TMTC2: variants seen among roughly 807,000 people sequenced by gnomAD.
The protein encoded by TMTC2 is protein O-mannosyl-transferase TMTC2.
Under a neutral mutation model 82.4 loss-of-function variants are expected in TMTC2, and 43 were observed. That is an observed-to-expected ratio of 0.52 (90% CI 0.41 to 0.67). The LOEUF (loss-of-function observed/expected upper bound fraction) is 0.67. Among genes scored for constraint, TMTC2 ranks in the 30% least tolerant of loss-of-function variants. The pLI is 0.00. For synonymous variants in TMTC2, 408 were observed against 381.9 expected (o/e 1.07, Z -0.80); for missense variants, 919 against 1,012.4 (o/e 0.91, Z 1.25).
chr12:82,987,161 C>G (rs1224533101), intron 8 of TMTC2, among the ~76,000 whole-genome samples: 1 of 152,004 alleles, frequency 6.6e-6, no homozygotes, highest in African/African-American at 2.4e-5. Flanking sequence ...AAATACTCTT[C>G]AAGAAATCAT....
At position 82,965,038 on chromosome 12, in the gene TMTC2, A is replaced by C; in HGVS notation, c.1613A>C (p.Gln538Pro). 1 of 1,612,284 alleles carries C rather than the reference A, an allele frequency of 6.2e-7. No homozygotes were observed. Among genetic ancestry groups the C allele is most frequent in the Non-Finnish European group, 8.5e-7 (1 of 1,178,822 alleles). Residue 538 changes from glutamine to proline, a missense_variant, in exon 5 of 12, where the codon CAG (glutamine) becomes CCG (proline). Physicochemically the swap from Gln to Pro is moderately conservative, Grantham distance 76. Transcript: ENST00000321196. Reference protein sequence around the residue: ...DMLYNLGLLLQENSRFAEALH... With the variant: ...DMLYNLGLLLPENSRFAEALH... ...TCCTCATGCAGAGGGCTACTTCTCC[A>C]GGAGAACAGCAGGTTTGCAGAAGCA...
rs373625358 is a variant in TMTC2 at position 82,766,226 on chromosome 12, T to C, written c.83+78557T>C. On this transcript the variant is annotated intron_variant, in intron 1 of 11. Transcript: ENST00000321196. ...TTCAAATTTTACTTGGCCCTCTCCTTCTCGCTTTGGGCTATGCACTTTCCA... is the reference window on the plus strand; with the variant it reads ...TTCAAATTTTACTTGGCCCTCTCCTCCTCGCTTTGGGCTATGCACTTTCCA... 7.9e-5 allele frequency among the ~76,000 whole-genome samples: 12 copies of C among 152,256 alleles called. No homozygotes were observed. The East Asian group carries it at 2.3e-3, about 29-fold the overall frequency.
intron 1 of TMTC2, among the ~76,000 whole-genome samples, chr12:82,799,958 G>T (rs1191113358): frequency 1.3e-5 from 2 of 152,026 alleles, no homozygotes; most frequent in East Asian, 3.9e-4. Flanking sequence ...CTGGCCTTTT[G>T]CAAGACTACA....
chr12:83,082,978 G>A (rs1014718404), intron 11 of TMTC2, among the ~76,000 whole-genome samples: 4 of 152,142 alleles, frequency 2.6e-5, no homozygotes, highest in Non-Finnish European at 5.9e-5. Context: ...AACAGTAAAC[G>A]GGGCTTCATC....
intron 11 of TMTC2, among the ~76,000 whole-genome samples, chr12:83,091,873 T>A (rs1883858860): frequency 6.6e-6 from 1 of 152,224 alleles, no homozygotes; most frequent in Non-Finnish European, 1.5e-5. Flanking sequence ...ATGGAGTCCA[T>A]ATTGAGATTG....
chr12:82,766,340 A>G (rs770084270), intron 1 of TMTC2, among the ~76,000 whole-genome samples: 1 of 152,148 alleles, frequency 6.6e-6, no homozygotes, highest in Admixed American at 6.5e-5. Context: ...GAGCTAAGTT[A>G]CTGTGTCTCT....
intron 2 of TMTC2, among the ~76,000 whole-genome samples, chr12:82,891,551 G>T (rs1873396577): frequency 1.3e-5 from 2 of 151,980 alleles, no homozygotes; most frequent in Non-Finnish European, 2.9e-5. Context: ...CAGGTGACCC[G>T]CCTGCCTCAG....
intron 3 of TMTC2, among the ~76,000 whole-genome samples, chr12:82,921,863 C>T (rs960389523): frequency 6.6e-6 from 1 of 151,400 alleles, no homozygotes; most frequent in Non-Finnish European, 1.5e-5. Context: ...TTTGCAAGAT[C>T]AAGGTGGGAG....
chr12:83,032,133 T>C (rs1171396007), intron 9 of TMTC2, among the ~76,000 whole-genome samples: 3 of 151,834 alleles, frequency 2.0e-5, no homozygotes, highest in African/African-American at 7.3e-5. Context: ...CTGCCTGTCA[T>C]TGCATGTTAT....
intron 2 of TMTC2, among the ~76,000 whole-genome samples, chr12:82,869,582 G>A (rs1872059214): frequency 6.6e-6 from 1 of 152,164 alleles, no homozygotes; most frequent in African/African-American, 2.4e-5. Context: ...ACTCACACTT[G>A]TAATGCCAGC....
At chr12:82,744,050 A>G (rs902660667) in intron 1 of TMTC2, among the ~76,000 whole-genome samples, 1 of 152,108 alleles carries the variant, frequency 6.6e-6, no homozygotes, top group Non-Finnish European at 1.5e-5. Flanking sequence ...AGGCGGGAGG[A>G]TCGCTCGAAG....
chr12:82,835,099 T>A (rs1314088462), intron 1 of TMTC2, among the ~76,000 whole-genome samples: 1 of 152,088 alleles, frequency 6.6e-6, no homozygotes, highest in Non-Finnish European at 1.5e-5. Flanking sequence ...TGAGCTCAGA[T>A]TGATTCCCTC....
intron 2 of TMTC2, among the ~76,000 whole-genome samples, chr12:82,884,396 T>A (rs995487107): frequency 1.3e-5 from 2 of 152,236 alleles, no homozygotes; most frequent in Admixed American, 1.3e-4. Flanking sequence ...ACAATACATG[T>A]AAGTGACTAT....
rs1008733047 is a variant in TMTC2, at chr12:82,882,234, C to G, written c.655-13584C>G. On this transcript the variant is annotated intron_variant, in intron 2 of 11. Coordinates refer to ENST00000321196, the MANE Select transcript of TMTC2 (RefSeq NM_152588.3). ...CGGGATGGTCTCGATCTCCTGACCTCGTGATCCGCCCGCCTCGGCCTCCCA... is the reference window on the plus strand; with the variant it reads ...CGGGATGGTCTCGATCTCCTGACCTGGTGATCCGCCCGCCTCGGCCTCCCA... Among the ~76,000 whole-genome samples, 6 of 151,730 alleles carry G rather than the reference C, an allele frequency of 4.0e-5. No homozygotes were observed. In the South Asian group the frequency reaches 6.3e-4, roughly 16 times the overall value.
intron 11 of TMTC2, among the ~76,000 whole-genome samples, chr12:83,123,265 G>C (rs1885010376): frequency 6.6e-6 from 1 of 152,192 alleles, no homozygotes; most frequent in South Asian, 2.1e-4. Context: ...ATACAGCATT[G>C]TTGTCTTAGT....
rs144911515 is a variant in TMTC2 at position 82,748,644 on chromosome 12, G to C, written c.83+60975G>C. On this transcript the variant is annotated intron_variant, in intron 1 of 11. Transcript: ENST00000321196. ...TAATCCCAGCACTTTGGGAGGCCAAGGCGGGTGGATCACCTGAGGTCAGAA... is the reference window on the plus strand; with the variant it reads ...TAATCCCAGCACTTTGGGAGGCCAACGCGGGTGGATCACCTGAGGTCAGAA... 1.4e-3 allele frequency among the ~76,000 whole-genome samples: 209 copies of C among 152,336 alleles called. 1 individual carries two copies. Among genetic ancestry groups the C allele is most frequent in the African/African-American group, 4.9e-3 (203 of 41,582 alleles).
intron 1 of TMTC2, among the ~76,000 whole-genome samples, chr12:82,749,829 C>T (rs1265713501): frequency 6.6e-6 from 1 of 151,306 alleles, no homozygotes; most frequent in Non-Finnish European, 1.5e-5. Flanking sequence ...CCTCCGCCTC[C>T]CGGGTTCAAG....
At chr12:82,813,192 A>G (rs1868496135) in intron 1 of TMTC2, among the ~76,000 whole-genome samples, 3 of 152,132 alleles carry the variant, frequency 2.0e-5, no homozygotes, top group South Asian at 4.1e-4. Context: ...TCTGGCAGAT[A>G]CTATTTTCTA....
intron 1 of TMTC2, among the ~76,000 whole-genome samples, chr12:82,752,262 A>G (rs1876051787): frequency 6.6e-6 from 1 of 151,450 alleles, no homozygotes; most frequent in African/African-American, 2.4e-5. Flanking sequence ...AGGAGGGCAG[A>G]TCACCTGAGG....
Sources: allele counts gnomAD v4.1 joint callset (sites outside exome capture counted in the v4.1 genomes callset), GRCh38; gene constraint gnomAD v4.1.1; transcripts MANE v1.5; gene names NCBI Gene and HGNC (gene_info 2026-07-23, HGNC 2026-07-21).